The following DDC variants were observed in gnomAD, a reference collection of about 807,000 sequenced individuals.
DDC encodes the protein dopa decarboxylase, also known as aromatic-L-amino-acid decarboxylase.
Under a neutral mutation model 60.0 loss-of-function variants are expected in DDC, and 43 were observed. That is an observed-to-expected ratio of 0.72 (90% CI 0.56 to 0.92). DDC has a LOEUF of 0.92. Among genes scored for constraint, DDC ranks in the 40% least tolerant of loss-of-function variants. The pLI is 0.00. For missense variants in DDC, 573 were observed against 620.2 expected, an observed-to-expected ratio of 0.92 and a Z score of 0.81; for synonymous variants, 232 against 234.6, an observed-to-expected ratio of 0.99 and a Z score of 0.10.
intron 6 of DDC, among the ~76,000 whole-genome samples, chr7:50,517,979 A>G (rs1239148091): frequency 2.0e-5 from 3 of 151,928 alleles, no homozygotes; most frequent in Non-Finnish European, 4.4e-5. Flanking sequence ...GGAGGCTGAG[A>G]TGGGCGGATC....
At chr7:50,472,200 C>T (rs1468531283) in intron 11 of DDC, among the ~76,000 whole-genome samples, 2 of 152,188 alleles carry the variant, frequency 1.3e-5, no homozygotes, top group African/African-American at 4.8e-5. Flanking sequence ...AGGAAAGGGA[C>T]TCTGTCTCAT....
chr7:50,473,893 G>A (rs1269953977), intron 11 of DDC, among the ~76,000 whole-genome samples: 1 of 152,248 alleles, frequency 6.6e-6, no homozygotes, highest in Admixed American at 6.5e-5. Context: ...ATCAGGGCCT[G>A]CGTGGTCTGC....
intron 12 of DDC, among the ~76,000 whole-genome samples, chr7:50,469,255 TAAAAAAAAA>T (rs755613984): frequency 0.079 from 4,456 of 56,574 alleles, 129 homozygotes; most frequent in African/African-American, 0.14. Context: ...ATTGTTATTT[TAAAAAAAAA>T]AAAAAAAAAA....
chr7:50,555,724 A>G (rs1057327064), intron 1 of DDC, among the ~76,000 whole-genome samples: 1 of 152,196 alleles, frequency 6.6e-6, no homozygotes, highest in Non-Finnish European at 1.5e-5. Context: ...TAATCTTCAT[A>G]AGAACCTTGT....
At chr7:50,505,194 C>T (rs1387800566) in intron 6 of DDC, among the ~76,000 whole-genome samples, 1 of 152,208 alleles carries the variant, frequency 6.6e-6, no homozygotes, top group Non-Finnish European at 1.5e-5. Context: ...CTCCCAAAGC[C>T]AGGGACCCTG....
chr7:50,540,164 A>C, intron 2 of DDC, 136 bp from the exon 3 acceptor site: 1 of 697,594 alleles, frequency 1.4e-6, no homozygotes, highest in Non-Finnish European at 2.6e-6. Context: ...AGTTCCCCAA[A>C]TGTCAGCCAT....
rs548686835 is a variant in DDC, at chr7:50,459,167, C to T, written c.*19-324G>A. Among the ~76,000 whole-genome samples, 298 of 152,350 alleles carry T rather than the reference C, an allele frequency of 2.0e-3. 1 individual carries two copies. The highest frequency in any genetic ancestry group is 6.8e-3 in the African/African-American group (283 of 41,584). ...GGAGACGGGGTTTCGCTGTGTTGGC[C>T]GGGCTGGTCTCCAGCTCCAAACTGC... On this transcript the variant is annotated intron_variant, in intron 14 of 14. Coordinates refer to ENST00000444124, the MANE Select transcript of DDC (RefSeq NM_001082971.2).
intron 14 of DDC, among the ~76,000 whole-genome samples, chr7:50,459,407 C>T (rs1229843574): frequency 2.0e-5 from 3 of 152,224 alleles, no homozygotes; most frequent in Non-Finnish European, 4.4e-5. Context: ...AGCGTCTCTG[C>T]CTGGCCGCCC....
chr7:50,539,828 C>G, intron 3 of DDC, 87 bp downstream of exon 3: 1 of 967,770 alleles, frequency 1.0e-6, no homozygotes, highest in African/African-American at 1.6e-5. Flanking sequence ...GCCATCTGCT[C>G]AGGTCCCTTG....
chr7:50,502,388 T>C (rs1210123453), intron 7 of DDC, among the ~76,000 whole-genome samples: 1 of 152,110 alleles, frequency 6.6e-6, no homozygotes, highest in Non-Finnish European at 1.5e-5. Flanking sequence ...CAGCAGGCCA[T>C]GTGGGCTCTA....
At chr7:50,503,652 G>A (rs527467687) in intron 7 of DDC, among the ~76,000 whole-genome samples, 19 of 152,310 alleles carry the variant, frequency 1.2e-4, no homozygotes, top group Non-Finnish European at 2.2e-4. Context: ...GTGTATGCAC[G>A]ACCCACATAT....
At chr7:50,563,166 CAAA>C (rs11306685) in intron 1 of DDC, among the ~76,000 whole-genome samples, 18 of 115,108 alleles carry the variant, frequency 1.6e-4, no homozygotes, top group Admixed American at 1.7e-4. Flanking sequence ...GACTCCATCT[CAAA>C]AAAAAAAAAA....
intron 12 of DDC, among the ~76,000 whole-genome samples, chr7:50,468,834 T>C (rs996982770): frequency 4.0e-5 from 6 of 151,574 alleles, no homozygotes; most frequent in African/African-American, 1.5e-4. Flanking sequence ...GACACCAGGA[T>C]CAGAGAGAGC....
intron 12 of DDC, among the ~76,000 whole-genome samples, chr7:50,469,277 A>G (rs1325300480): frequency 1.4e-5 from 2 of 142,010 alleles, no homozygotes; most frequent in Non-Finnish European, 1.5e-5. Context: ...AAAAAAAAAA[A>G]GCAGGGGAGT....
chr7:50,505,574 C>G (rs1324030015), intron 6 of DDC, among the ~76,000 whole-genome samples: 2 of 152,228 alleles, frequency 1.3e-5, no homozygotes, highest in Non-Finnish European at 2.9e-5. Flanking sequence ...ACCTGGAAAC[C>G]AACTTTTCCT....
Position 50,548,960 on chromosome 7 carries a change from A to G in DDC, c.-28-4847T>C, listed in dbSNP as rs111941433. Reference sequence around the variant, plus strand: ...TTATTCTGAAAATCCTAGGGCCCTTAAAAACTATGCCAAATCTACTCTTCC... The same window carrying G: ...TTATTCTGAAAATCCTAGGGCCCTTGAAAACTATGCCAAATCTACTCTTCC... On this transcript the variant is annotated intron_variant, in intron 1 of 14. Coordinates refer to ENST00000444124, the MANE Select transcript of DDC (RefSeq NM_001082971.2). Among the ~76,000 whole-genome samples, 267 of 152,334 alleles carry G rather than the reference A, an allele frequency of 1.8e-3. 2 individuals are homozygous for G. The highest frequency in any genetic ancestry group is 6.1e-3 in the African/African-American group (253 of 41,570).
intron 6 of DDC, among the ~76,000 whole-genome samples, chr7:50,506,891 A>G (rs1259974924): frequency 1.3e-5 from 2 of 152,238 alleles, no homozygotes; most frequent in East Asian, 1.9e-4. Flanking sequence ...TCAAGCATCA[A>G]TAATTCTCCG....
chr7:50,494,412 G>A (rs780182088), intron 9 of DDC, among the ~76,000 whole-genome samples: 1 of 151,996 alleles, frequency 6.6e-6, no homozygotes, highest in Admixed American at 6.5e-5. Context: ...GCTGAGGCAC[G>A]AGAATGGCAT....
At chr7:50,540,090 G>A in intron 2 of DDC, 62 bp from the exon 3 acceptor site, 2 of 1,336,450 alleles carry the variant, frequency 1.5e-6, no homozygotes, top group South Asian at 1.2e-5. Context: ...AGAGAGCGGG[G>A]GACCCAGGTA....
Sources: gnomAD v4.1 joint callset for allele counts (sites outside exome capture counted in the v4.1 genomes callset) on GRCh38, gnomAD v4.1.1 for gene constraint, MANE v1.5 for transcripts, NCBI Gene and HGNC (gene_info 2026-07-23, HGNC 2026-07-21) for gene names.